Variants in CCSER1 observed in about 807,000 individuals in gnomAD.
The protein encoded by CCSER1 is coiled-coil serine rich protein 1.
A neutral mutation model predicts 82.0 loss-of-function variants in CCSER1; 41 were observed. The observed-to-expected ratio is 0.50, with a 90% CI of 0.39 to 0.65. The LOEUF (loss-of-function observed/expected upper bound fraction) is 0.65. Among genes scored for constraint, CCSER1 ranks in the 30% least tolerant of loss-of-function variants. CCSER1 has a pLI of 0.00. For missense variants in CCSER1, 1,119 were observed against 1,064.2 expected, an observed-to-expected ratio of 1.05 and a Z score of -0.72; for synonymous variants, 414 against 383.9, an observed-to-expected ratio of 1.08 and a Z score of -0.92.
intron 6 of CCSER1, among the ~76,000 whole-genome samples, chr4:90,691,330 C>T (rs1735788130): frequency 6.6e-6 from 1 of 151,582 alleles, no homozygotes; most frequent in Admixed American, 6.6e-5. Flanking sequence ...TTATTTTATT[C>T]CTAAAGCTAA....
At chr4:90,329,617 T>C (rs12108488) in intron 3 of CCSER1, among the ~76,000 whole-genome samples, 43,059 of 151,984 alleles carry the variant, frequency 0.28, 6,494 homozygotes, top group African/African-American at 0.38. Context: ...ACTTGATTTG[T>C]ATTTGGCTAT....
intron 1 of CCSER1, among the ~76,000 whole-genome samples, chr4:90,170,595 C>T (rs555184070): frequency 1.3e-5 from 2 of 151,656 alleles, no homozygotes; most frequent in Non-Finnish European, 2.9e-5. Flanking sequence ...TTTTTTAGCA[C>T]CCACAAATAG....
At chr4:91,276,017 T>A (rs941722767) in intron 10 of CCSER1, among the ~76,000 whole-genome samples, 1 of 152,156 alleles carries the variant, frequency 6.6e-6, no homozygotes, top group African/African-American at 2.4e-5. Context: ...TCAGTCTATG[T>A]GTCTTGTTTT....
At chr4:91,139,967 C>G (rs575030417) in intron 10 of CCSER1, among the ~76,000 whole-genome samples, 11 of 152,014 alleles carry the variant, frequency 7.2e-5, no homozygotes, top group Admixed American at 5.2e-4. Flanking sequence ...ATTACATGTA[C>G]CTTGGGAGTA....
At chr4:90,697,683 C>A (rs1423948152) in intron 6 of CCSER1, among the ~76,000 whole-genome samples, 18 of 152,112 alleles carry the variant, frequency 1.2e-4, no homozygotes, top group Non-Finnish European at 1.9e-4. Flanking sequence ...CATAATGATT[C>A]TGAATCCTAT....
At chr4:91,486,566 G>T (rs1758231559) in intron 10 of CCSER1, among the ~76,000 whole-genome samples, 1 of 151,984 alleles carries the variant, frequency 6.6e-6, no homozygotes, top group African/African-American at 2.4e-5. Flanking sequence ...CATGGGTTCT[G>T]CATCCACAGA....
chr4:91,219,093 T>C (rs1737525549), intron 10 of CCSER1, among the ~76,000 whole-genome samples: 1 of 152,214 alleles, frequency 6.6e-6, no homozygotes, highest in Non-Finnish European at 1.5e-5. Flanking sequence ...TTTTCAGTAG[T>C]ATAAATATTT....
In CCSER1 at chr4:90,744,959, T is replaced by TATTA. The variant is rs1554003153; in HGVS notation, c.2010+20968_2010+20969insATTA. Among the ~76,000 whole-genome samples the TATTA allele has an allele frequency of 9.6e-4, 143 of 149,468 alleles. 1 individual carries two copies. Among genetic ancestry groups the TATTA allele is most frequent in the African/African-American group, 3.4e-3 (138 of 40,626 alleles). On this transcript the variant is annotated intron_variant, in intron 7 of 10. Transcript: ENST00000509176. Reference sequence around the variant, plus strand: ...TAAAAATTCATACATTTTATATATATTATATATATATATGTACTGCTATAT... The same window carrying TATTA: ...TAAAAATTCATACATTTTATATATATATTATATATATATATATGTACTGCTATAT...
At chr4:90,465,827 T>C (rs544293579) in intron 4 of CCSER1, among the ~76,000 whole-genome samples, 2 of 152,304 alleles carry the variant, frequency 1.3e-5, no homozygotes, top group African/African-American at 4.8e-5. Flanking sequence ...ACAGTTGATA[T>C]ACCATGTGAA....
At chr4:91,354,679 T>A (rs1264830285) in intron 10 of CCSER1, among the ~76,000 whole-genome samples, 2 of 152,246 alleles carry the variant, frequency 1.3e-5, no homozygotes, top group African/African-American at 4.8e-5. Context: ...ACGAAAAATA[T>A]GTCAGGGTGG....
At chr4:90,560,907 TAAAAC>T (rs1273089318) in intron 5 of CCSER1, among the ~76,000 whole-genome samples, 2 of 152,130 alleles carry the variant, frequency 1.3e-5, no homozygotes, top group African/African-American at 2.4e-5. Flanking sequence ...TTATGAAAAA[TAAAAC>T]AAAGCTTCCC....
intron 7 of CCSER1, among the ~76,000 whole-genome samples, chr4:90,814,113 C>G (rs1758691946): frequency 6.6e-6 from 1 of 152,206 alleles, no homozygotes; most frequent in Admixed American, 6.5e-5. Flanking sequence ...ATGTAAGCCA[C>G]CAATGCTTGG....
chr4:90,714,610 G>T (rs1334526577), intron 6 of CCSER1, among the ~76,000 whole-genome samples: 1 of 151,884 alleles, frequency 6.6e-6, no homozygotes, highest in Non-Finnish European at 1.5e-5. Context: ...TTAAAATAGG[G>T]ACTCAGCCTC....
chr4:91,245,382 G>A (rs747132406), intron 10 of CCSER1, among the ~76,000 whole-genome samples: 2 of 152,090 alleles, frequency 1.3e-5, no homozygotes, highest in Non-Finnish European at 2.9e-5. Context: ...ATAAAGAAAT[G>A]ATACTAAAAA....
intron 5 of CCSER1, among the ~76,000 whole-genome samples, chr4:90,483,925 G>A (rs966647768): frequency 6.6e-6 from 1 of 152,124 alleles, no homozygotes; most frequent in African/African-American, 2.4e-5. Flanking sequence ...GGCCTGCCTT[G>A]CTAGATTGGG....
intron 3 of CCSER1, among the ~76,000 whole-genome samples, chr4:90,369,120 C>A (rs1746869737): frequency 6.6e-6 from 1 of 151,322 alleles, no homozygotes; most frequent in Non-Finnish European, 1.5e-5. Context: ...TTAGTAAAAC[C>A]ACTGGTCTGG....
At chr4:91,373,643 C>T (rs1750193839) in intron 10 of CCSER1, among the ~76,000 whole-genome samples, 1 of 152,066 alleles carries the variant, frequency 6.6e-6, no homozygotes, top group Non-Finnish European at 1.5e-5. Context: ...ACAATGTTGA[C>T]ATTATGTCAG....
chr4:90,313,958 A>G (rs1346940690), intron 3 of CCSER1, among the ~76,000 whole-genome samples: 2 of 152,244 alleles, frequency 1.3e-5, no homozygotes, highest in Non-Finnish European at 2.9e-5. Context: ...TAAATCACTT[A>G]TGATATCTCT....
chr4:91,523,767 CTTCT>C (rs1351618276), intron 10 of CCSER1, among the ~76,000 whole-genome samples: 1 of 151,900 alleles, frequency 6.6e-6, no homozygotes, highest in African/African-American at 2.4e-5. Context: ...TCTCTCTTTT[CTTCT>C]TTATTAGTCT....
Sources: allele counts gnomAD v4.1 joint callset (sites outside exome capture counted in the v4.1 genomes callset), GRCh38; gene constraint gnomAD v4.1.1; transcripts MANE v1.5; gene names NCBI Gene and HGNC (gene_info 2026-07-23, HGNC 2026-07-21).